RBBP8: variants seen among roughly 807,000 people sequenced by gnomAD.
RBBP8 encodes RB binding protein 8, endonuclease, also known as DNA endonuclease RBBP8.
RBBP8 carries 88 observed loss-of-function variants against 108.3 expected under a neutral mutation model. The observed-to-expected ratio is 0.81, with a 90% confidence interval of 0.68 to 0.97. RBBP8 has a LOEUF of 0.97. RBBP8 is among the 50% of genes least tolerant of loss of function. The pLI is 0.00. For synonymous variants in RBBP8, 332 were observed against 348.2 expected (o/e 0.95, Z 0.52); for missense variants, 1,023 against 1,049.0 (o/e 0.98, Z 0.34).
At chr18:22,939,969 G>A (rs1365715090) in intron 2 of RBBP8, among the ~76,000 whole-genome samples, 1 of 152,176 alleles carries the variant, frequency 6.6e-6, no homozygotes, top group Non-Finnish European at 1.5e-5. Context: ...AAAGTTTGCA[G>A]ATAAGAGCTT....
At chr18:23,022,641 T>TAAAATAAAATAAAATAAAATAAAA (rs1568010219) in intron 18 of RBBP8, among the ~76,000 whole-genome samples, 1 of 46,218 alleles carries the variant, frequency 2.2e-5, no homozygotes, top group African/African-American at 7.4e-5. Context: ...ATAAAATAAA[T>TAAAATAAAATAAAATAAAATAAAA]AAAATACAAT....
rs1568005050 is a variant in RBBP8, at chr18:23,016,822, C to G, written c.2358-6C>G. 1.3e-6 allele frequency: 2 copies of G among 1,595,436 alleles called. No individual in the cohort carries two copies. The highest frequency in any genetic ancestry group is 1.7e-6 in the Non-Finnish European group (2 of 1,163,522). ...GCTTTGTTAATTTAATTCATTTTTC[C>G]CCCAGAGAGACTAGCTTGCAAAATT... On this transcript the variant is annotated splice_polypyrimidine_tract_variant and splice_region_variant and intron_variant, in intron 16 of 18. Coordinates refer to ENST00000327155, the MANE Select transcript of RBBP8 (RefSeq NM_002894.3).
At chr18:22,951,195 A>T (rs1423653583) in intron 4 of RBBP8, among the ~76,000 whole-genome samples, 9 of 152,194 alleles carry the variant, frequency 5.9e-5, no homozygotes, top group Admixed American at 3.3e-4. Flanking sequence ...TTGCTGTCTT[A>T]GGTGTTGCTC....
chr18:22,971,394 C>T (rs1380410847), intron 5 of RBBP8, among the ~76,000 whole-genome samples: 1 of 152,040 alleles, frequency 6.6e-6, no homozygotes, highest in African/African-American at 2.4e-5. Context: ...TCTTTACATA[C>T]TTTATTGGCC....
chr18:22,930,717 G>A (rs1909990945), upstream of RBBP8, among the ~76,000 whole-genome samples: 1 of 152,176 alleles, frequency 6.6e-6, no homozygotes, highest in Non-Finnish European at 1.5e-5. Context: ...TGATTTGGTG[G>A]CAGACACTGG....
chr18:22,954,951 T>G (rs894811431), intron 4 of RBBP8, among the ~76,000 whole-genome samples: 1 of 152,164 alleles, frequency 6.6e-6, no homozygotes, highest in Non-Finnish European at 1.5e-5. Context: ...GATCCCTCCC[T>G]CCTGATTTCA....
chr18:22,980,504 C>G (rs1186718582), intron 6 of RBBP8, among the ~76,000 whole-genome samples: 1 of 151,926 alleles, frequency 6.6e-6, no homozygotes, highest in African/African-American at 2.4e-5. Flanking sequence ...TGGGAGTATG[C>G]TTGGTGTGTT....
intron 17 of RBBP8, among the ~76,000 whole-genome samples, chr18:23,017,687 A>G (rs1335381579): frequency 1.3e-5 from 2 of 151,332 alleles, no homozygotes; most frequent in Non-Finnish European, 2.9e-5. Context: ...CAACATTCTC[A>G]GGAAATTAGG....
chr18:23,004,556 C>T (rs1178841087), intron 15 of RBBP8: 1 of 152,176 alleles, frequency 6.6e-6, no homozygotes, highest in African/African-American at 2.4e-5. Context: ...AAAAATATAG[C>T]TAGCCAAGCA....
intron 7 of RBBP8, among the ~76,000 whole-genome samples, chr18:22,984,137 C>T (rs1436935460): frequency 6.6e-6 from 1 of 152,070 alleles, no homozygotes; most frequent in Non-Finnish European, 1.5e-5. Flanking sequence ...TAGTCCTGTT[C>T]TCTAACTTCC....
chr18:22,928,512 A>C (rs1909876589), upstream of RBBP8, among the ~76,000 whole-genome samples: 2 of 152,154 alleles, frequency 1.3e-5, no homozygotes, highest in Non-Finnish European at 2.9e-5. Context: ...ACATTGTATG[A>C]GCCAAGAGTA....
intron 4 of RBBP8, among the ~76,000 whole-genome samples, chr18:22,959,301 T>A (rs1005876554): frequency 1.3e-5 from 2 of 152,246 alleles, no homozygotes. Flanking sequence ...CATTTCTCAT[T>A]GTTAGCATTC....
intron 4 of RBBP8, among the ~76,000 whole-genome samples, chr18:22,959,795 A>G (rs1293685757): frequency 6.6e-6 from 1 of 150,574 alleles, no homozygotes; most frequent in East Asian, 1.9e-4. Context: ...AGATTTTTCC[A>G]GGAATGCTAG....
chr18:22,951,482 G>A (rs752672482), intron 4 of RBBP8, among the ~76,000 whole-genome samples: 1 of 152,100 alleles, frequency 6.6e-6, no homozygotes, highest in Non-Finnish European at 1.5e-5. Context: ...AAAACCAAAC[G>A]CAGCTTTTCC....
chr18:22,917,065 A>G (rs1026615493), intron 3 of RBBP8: 2 of 152,186 alleles, frequency 1.3e-5, no homozygotes, highest in Non-Finnish European at 2.9e-5. Context: ...AGTTTTAAAC[A>G]TTTTTAATTT....
At position 22,982,282 on chromosome 18, in the gene RBBP8, A is replaced by G. The variant is rs1205241570; in HGVS notation, c.493A>G (p.Ile165Val). 2.5e-6 allele frequency: 4 copies of G among 1,614,194 alleles called. No individual in the cohort carries two copies. The highest frequency in any genetic ancestry group is 2.2e-5 in the East Asian group (1 of 44,872). ...GGAAGACGTTATTCCAGATTCACCG[A>G]TAACAGCCTTCTCATTTTCTGGCGT... ...CEEDVIPDSP[I>V]TAFSFSGVNR... is the part of the protein sequence containing the mutation. The change falls in exon 7 of 19, where the codon ATA becomes GTA. Residue 165 changes from isoleucine to valine, a missense_variant. Physicochemically the swap from Ile to Val is conservative, Grantham distance 29. Coordinates refer to ENST00000327155, the MANE Select transcript of RBBP8 (RefSeq NM_002894.3).
At chr18:23,024,713 A>G (rs945739989) in intron 18 of RBBP8, 1 of 152,192 alleles carries the variant, frequency 6.6e-6, no homozygotes, top group Non-Finnish European at 1.5e-5. Flanking sequence ...AGAAAAAAAT[A>G]CTGAGTTTTA....
rs1478881243 is a variant in RBBP8 at position 22,993,837 on chromosome 18, A to G, written c.1929A>G (p.Gln643=). 1 of 1,613,270 alleles carries G rather than the reference A, an allele frequency of 6.2e-7. No individual in the cohort carries two copies. Among genetic ancestry groups the G allele is most frequent in the Non-Finnish European group, 8.5e-7 (1 of 1,179,252 alleles). Residue 643 remains glutamine (Q), a synonymous_variant, in exon 12 of 19, where the codon CAA becomes CAG. Coordinates refer to ENST00000327155, the MANE Select transcript of RBBP8 (RefSeq NM_002894.3). ...GAACTGGTAAAATAAAGTCTCTACA[A>G]AACAACCAAGGTGTGTACACCATAA... ...PCRTGKIKSL[Q]NNQDVSFENI... is the part of the protein sequence containing the mutation.
At chr18:23,017,741 CTT>C (rs928545363) in intron 17 of RBBP8, among the ~76,000 whole-genome samples, 22 of 89,176 alleles carry the variant, frequency 2.5e-4, no homozygotes, top group African/African-American at 9.0e-4. Context: ...AATATAAGTT[CTT>C]TTTTTTTTTT....
Sources: gnomAD v4.1 joint callset for allele counts (sites outside exome capture counted in the v4.1 genomes callset) on GRCh38, gnomAD v4.1.1 for gene constraint, MANE v1.5 for transcripts, NCBI Gene and HGNC (gene_info 2026-07-23, HGNC 2026-07-21) for gene names.